Variants in TMED10 observed in about 807,000 individuals in gnomAD.
TMED10 encodes the protein transmembrane p24 trafficking protein 10.
TMED10 carries 7 observed loss-of-function variants against 23.1 expected under a neutral mutation model. The observed-to-expected ratio is 0.30, with a 90% CI of 0.17 to 0.57. The LOEUF (loss-of-function observed/expected upper bound fraction) is 0.57, where lower values mean the gene tolerates loss of function less well. Ranked by LOEUF, TMED10 falls within the 20% of genes least tolerant of loss-of-function variation. The pLI is 0.91. For synonymous variants in TMED10, 113 were observed against 106.9 expected, an observed-to-expected ratio of 1.06 and a Z score of -0.35; for missense variants, 162 against 274.8, an observed-to-expected ratio of 0.59 and a Z score of 2.90.
At chr14:75,135,204 A>C (rs1322179835) in intron 4 of TMED10, among the ~76,000 whole-genome samples, 198 bp from the exon 5 acceptor site, 1 of 152,052 alleles carries the variant, frequency 6.6e-6, no homozygotes, top group African/African-American at 2.4e-5. Context: ...TAATCCCAGC[A>C]CTCTGGGAGG....
chr14:75,152,006 CCA>C, intron 2 of TMED10, 24 bp downstream of exon 2: 1 of 1,584,476 alleles, frequency 6.3e-7, no homozygotes, highest in South Asian at 1.1e-5. Flanking sequence ...GATTCTTAAT[CCA>C]GAGAAACACT....
chr14:75,138,893 T>C (rs1298755241), intron 3 of TMED10, among the ~76,000 whole-genome samples: 2 of 144,772 alleles, frequency 1.4e-5, no homozygotes, highest in African/African-American at 2.6e-5. Flanking sequence ...CGAAAAACAA[T>C]GATGGAATTA....
intron 1 of TMED10, among the ~76,000 whole-genome samples, chr14:75,154,942 T>C (rs1454117135): frequency 6.7e-6 from 1 of 149,692 alleles, no homozygotes; most frequent in Non-Finnish European, 1.5e-5. Flanking sequence ...GGATTACAAG[T>C]GTAAGCCATC....
At chr14:75,168,902 C>T (rs571790228) in intron 1 of TMED10, among the ~76,000 whole-genome samples, 7 of 152,292 alleles carry the variant, frequency 4.6e-5, no homozygotes, top group East Asian at 1.9e-4. Flanking sequence ...TCTTTTCATA[C>T]AACTTTTGGT....
chr14:75,163,518 A>C (rs1434425460), intron 1 of TMED10, among the ~76,000 whole-genome samples: 1 of 136,310 alleles, frequency 7.3e-6, no homozygotes. Flanking sequence ...TCGCCACTGC[A>C]CTCCAGCCTG....
At chr14:75,149,381 G>A (rs2139841750) in intron 2 of TMED10, among the ~76,000 whole-genome samples, 1 of 152,282 alleles carries the variant, frequency 6.6e-6, no homozygotes, top group South Asian at 2.1e-4. Flanking sequence ...ATGTTATTGT[G>A]ACACAGCAAA....
At chr14:75,174,019 C>T (rs1896269161) in intron 1 of TMED10, among the ~76,000 whole-genome samples, 4 of 152,292 alleles carry the variant, frequency 2.6e-5, no homozygotes. Context: ...GCATGACCCA[C>T]CAAGCCCGGC....
At chr14:75,147,185 GTTTTTTTTT>G (rs71119349) in intron 3 of TMED10, among the ~76,000 whole-genome samples, 4 of 116,628 alleles carry the variant, frequency 3.4e-5, no homozygotes, top group Admixed American at 8.1e-5. Context: ...CTTCAAGGCT[GTTTTTTTTT>G]TTTTTTTTTT....
At chr14:75,171,178 G>A (rs1191796129) in intron 1 of TMED10, among the ~76,000 whole-genome samples, 1 of 151,956 alleles carries the variant, frequency 6.6e-6, no homozygotes, top group Admixed American at 6.6e-5. Context: ...GATAGCCGGG[G>A]AAGGAGGGAG....
chr14:75,169,021 A>C (rs1388960664), intron 1 of TMED10, among the ~76,000 whole-genome samples: 1 of 152,252 alleles, frequency 6.6e-6, no homozygotes, highest in Non-Finnish European at 1.5e-5. Flanking sequence ...TAAGGTGTTC[A>C]GTATAGCTAG....
intron 1 of TMED10, among the ~76,000 whole-genome samples, chr14:75,159,045 T>G (rs1458506855): frequency 1.3e-5 from 2 of 152,184 alleles, no homozygotes; most frequent in African/African-American, 4.8e-5. Context: ...ATGCCTCTCT[T>G]CCTTTCTTCA....
intron 3 of TMED10, among the ~76,000 whole-genome samples, chr14:75,143,118 CA>C (rs1035480343): frequency 1.3e-5 from 2 of 152,154 alleles, no homozygotes; most frequent in East Asian, 3.8e-4. Flanking sequence ...CTCAGCCTTC[CA>C]AAGTGCTGGG....
intron 3 of TMED10, among the ~76,000 whole-genome samples, chr14:75,143,933 C>CAA (rs5809695): frequency 0.016 from 1,991 of 125,886 alleles, 37 homozygotes; most frequent in African/African-American, 0.04. Context: ...TACTCTGTCT[C>CAA]AAAAAAAAAA....
At chr14:75,137,439 G>A (rs1308106256) in intron 3 of TMED10, among the ~76,000 whole-genome samples, 2 of 148,280 alleles carry the variant, frequency 1.3e-5, no homozygotes, top group East Asian at 2.1e-4. Flanking sequence ...TTGGGAGGCC[G>A]AGGTGGGTGG....
chr14:75,160,014 C>G (rs991016700), intron 1 of TMED10, among the ~76,000 whole-genome samples: 1 of 152,112 alleles, frequency 6.6e-6, no homozygotes, highest in Admixed American at 6.5e-5. Flanking sequence ...GGAAGTTCGC[C>G]CAAGGCCTCC....
chr14:75,164,571 A>ATTTT (rs1896135085), intron 1 of TMED10, among the ~76,000 whole-genome samples: 1 of 2,114 alleles, frequency 4.7e-4, no homozygotes, highest in Non-Finnish European at 1.1e-3. Flanking sequence ...ATATATATAT[A>ATTTT]TATATATTTT....
At chr14:75,164,796 C>T (rs1205869396) in intron 1 of TMED10, among the ~76,000 whole-genome samples, 1 of 147,890 alleles carries the variant, frequency 6.8e-6, no homozygotes, top group African/African-American at 2.5e-5. Flanking sequence ...TTCACTAAAT[C>T]CAGGGATGAT....
chr14:75,161,663 T>A (rs975168364), intron 1 of TMED10, among the ~76,000 whole-genome samples: 5 of 152,182 alleles, frequency 3.3e-5, no homozygotes, highest in Middle Eastern at 3.4e-3. Flanking sequence ...AATGACCTGA[T>A]CTAATGCAGA....
At chr14:75,162,981 C>T (rs1017179499) in intron 1 of TMED10, among the ~76,000 whole-genome samples, 7 of 151,766 alleles carry the variant, frequency 4.6e-5, no homozygotes, top group African/African-American at 1.2e-4. Flanking sequence ...CACCTTGTAA[C>T]GCCAGCACTT....
Sources: allele counts gnomAD v4.1 joint callset (sites outside exome capture counted in the v4.1 genomes callset), GRCh38; gene constraint gnomAD v4.1.1; transcripts MANE v1.5; gene names NCBI Gene and HGNC (gene_info 2026-07-23, HGNC 2026-07-21).